The following KIAA0825 variants were observed in gnomAD, a reference collection of about 807,000 sequenced individuals.
KIAA0825 encodes the protein uncharacterized protein KIAA0825.
In KIAA0825, 119 loss-of-function variants were observed where a neutral mutation model predicts 147.6. The ratio of observed to expected loss-of-function variants is 0.81; its 90% CI spans 0.69 to 0.94. The LOEUF (loss-of-function observed/expected upper bound fraction) is 0.94, where lower values mean the gene tolerates loss of function less well. Among genes scored for constraint, KIAA0825 ranks in the 40% least tolerant of loss-of-function variants. The pLI is 0.00. For synonymous variants in KIAA0825, 470 were observed against 518.1 expected, an observed-to-expected ratio of 0.91 and a Z score of 1.26; for missense variants, 1,381 against 1,472.7, an observed-to-expected ratio of 0.94 and a Z score of 1.02.
chr5:94,346,626 C>T (rs898224731), intron 20 of KIAA0825, among the ~76,000 whole-genome samples: 2 of 152,062 alleles, frequency 1.3e-5, no homozygotes, highest in Admixed American at 1.3e-4. Flanking sequence ...TTTGGAGAGC[C>T]GAGCGAAATA....
intron 20 of KIAA0825, among the ~76,000 whole-genome samples, chr5:94,309,620 A>G (rs1778984331): frequency 6.6e-6 from 1 of 151,736 alleles, no homozygotes; most frequent in Non-Finnish European, 1.5e-5. Context: ...TTCAATAACA[A>G]TCACTCCATT....
At chr5:94,597,704 A>T (rs2152410274) in intron 1 of KIAA0825, among the ~76,000 whole-genome samples, 1 of 152,288 alleles carries the variant, frequency 6.6e-6, no homozygotes, top group East Asian at 1.9e-4. Flanking sequence ...TTGTATGAAC[A>T]TCATACAGTG....
rs543484914 is a variant in KIAA0825 at position 94,523,859 on chromosome 5, T to C, written c.300+71A>G. On this transcript the variant is annotated intron_variant, in intron 4 of 20. Transcript: ENST00000682413. ...ATGGTCACTCAAATAAATATTTACGTATAGAAATTGAATGAGTTGTATTCC... is the reference window on the plus strand; with the variant it reads ...ATGGTCACTCAAATAAATATTTACGCATAGAAATTGAATGAGTTGTATTCC... The C allele has an allele frequency of 3.8e-5, 38 of 1,007,792 alleles. No homozygotes were observed. The South Asian group carries it at 4.8e-4, about 13-fold the overall frequency. The allele number at this position is 1,007,792 out of a possible 1,614,324, so 62.4% of individuals were successfully genotyped here.
At chr5:94,388,510 T>A (rs1034841876) in intron 18 of KIAA0825, among the ~76,000 whole-genome samples, 2 of 152,214 alleles carry the variant, frequency 1.3e-5, no homozygotes, top group African/African-American at 4.8e-5. Flanking sequence ...CTTTTCTCCA[T>A]TATGATTTAT....
intron 13 of KIAA0825, among the ~76,000 whole-genome samples, chr5:94,445,500 T>A (rs952665493): frequency 9.9e-5 from 15 of 152,116 alleles, no homozygotes; most frequent in Non-Finnish European, 1.8e-4. Context: ...ATTAATAAGA[T>A]TGTATTGTAT....
At chr5:94,446,576 G>T (rs1396212584) in intron 13 of KIAA0825, among the ~76,000 whole-genome samples, 7 of 152,156 alleles carry the variant, frequency 4.6e-5, no homozygotes, top group Non-Finnish European at 7.3e-5. Context: ...AAGGAACATG[G>T]CATAGAAAGA....
chr5:94,540,949 C>T (rs931839223), intron 2 of KIAA0825, among the ~76,000 whole-genome samples: 13 of 152,122 alleles, frequency 8.5e-5, no homozygotes, highest in Admixed American at 4.6e-4. Flanking sequence ...GTAAGAAATG[C>T]TCTTGTATAT....
At chr5:94,616,130 T>C (rs879722981) in intron 1 of KIAA0825, among the ~76,000 whole-genome samples, 1 of 152,160 alleles carries the variant, frequency 6.6e-6, no homozygotes, top group Non-Finnish European at 1.5e-5. Flanking sequence ...TCATAAGCAC[T>C]GAAATTTGAT....
At chr5:94,189,662 A>G (rs913405322) in intron 20 of KIAA0825, among the ~76,000 whole-genome samples, 36 of 152,284 alleles carry the variant, frequency 2.4e-4, no homozygotes, top group African/African-American at 8.4e-4. Flanking sequence ...TCAGTTCTAC[A>G]CTGTCTTGAT....
chr5:94,463,233 A>T (rs1029089062), intron 11 of KIAA0825, among the ~76,000 whole-genome samples: 4 of 151,674 alleles, frequency 2.6e-5, no homozygotes. Flanking sequence ...TTGGCATCTA[A>T]CTAAATTGAA....
chr5:94,563,736 G>C (rs957324491), intron 2 of KIAA0825, among the ~76,000 whole-genome samples: 13 of 152,076 alleles, frequency 8.5e-5, no homozygotes, highest in African/African-American at 3.1e-4. Context: ...CCAGGATGGG[G>C]TGCAATGGTG....
intron 13 of KIAA0825, among the ~76,000 whole-genome samples, chr5:94,443,590 G>T (rs1757375514): frequency 2.0e-5 from 3 of 152,036 alleles, no homozygotes; most frequent in Admixed American, 2.0e-4. Flanking sequence ...TAGTAATGGG[G>T]TCCAAGCATT....
At chr5:94,608,880 G>T (rs181744132) in intron 1 of KIAA0825, among the ~76,000 whole-genome samples, 1 of 151,900 alleles carries the variant, frequency 6.6e-6, no homozygotes, top group Admixed American at 6.6e-5. Context: ...AATTTTTAAC[G>T]TTGTATAATG....
At chr5:94,509,454 A>AT (rs1300941156) in intron 5 of KIAA0825, among the ~76,000 whole-genome samples, 8 of 152,220 alleles carry the variant, frequency 5.3e-5, no homozygotes, top group Non-Finnish European at 1.5e-5. Context: ...AATAGGTTTC[A>AT]TAAAAAATAG....
chr5:94,335,077 AT>A (rs1012676594), intron 20 of KIAA0825, among the ~76,000 whole-genome samples: 10 of 152,224 alleles, frequency 6.6e-5, no homozygotes, highest in African/African-American at 1.9e-4. Context: ...ACTATTGCAG[AT>A]TTTTTTATGT....
At chr5:94,589,220 C>T (rs1305049315) in intron 1 of KIAA0825, among the ~76,000 whole-genome samples, 1 of 152,098 alleles carries the variant, frequency 6.6e-6, no homozygotes, top group Non-Finnish European at 1.5e-5. Flanking sequence ...AACATGGGTT[C>T]TGATTAAGTT....
intron 20 of KIAA0825, among the ~76,000 whole-genome samples, chr5:94,299,602 T>G (rs185729719): frequency 6.6e-6 from 1 of 152,248 alleles, no homozygotes; most frequent in African/African-American, 2.4e-5. Flanking sequence ...GACTGAAAAC[T>G]GTTAAGGTGA....
At chr5:94,578,093 C>G (rs1431197849) in intron 2 of KIAA0825, among the ~76,000 whole-genome samples, 2 of 152,018 alleles carry the variant, frequency 1.3e-5, no homozygotes, top group African/African-American at 2.4e-5. Flanking sequence ...CAAAGATATC[C>G]CTTTATGTGG....
At chr5:94,335,131 T>C (rs1464347381) in intron 20 of KIAA0825, among the ~76,000 whole-genome samples, 1 of 152,154 alleles carries the variant, frequency 6.6e-6, no homozygotes, top group Non-Finnish European at 1.5e-5. Context: ...TTACTTATCT[T>C]CTAAAATAAA....
Sources: allele counts gnomAD v4.1 joint callset (sites outside exome capture counted in the v4.1 genomes callset), GRCh38; gene constraint gnomAD v4.1.1; transcripts MANE v1.5; gene names NCBI Gene and HGNC (gene_info 2026-07-23, HGNC 2026-07-21).